ZNRF1: variants seen among roughly 807,000 people sequenced by gnomAD.
The protein encoded by ZNRF1 is zinc and ring finger 1, also known as E3 ubiquitin-protein ligase ZNRF1.
A neutral mutation model predicts 18.4 loss-of-function variants in ZNRF1; 3 were observed. The observed-to-expected ratio is 0.16, with a 90% CI of 0.07 to 0.42. The LOEUF (loss-of-function observed/expected upper bound fraction) is 0.42, where lower values mean the gene tolerates loss of function less well. Among genes scored for constraint, ZNRF1 ranks in the 10% least tolerant of loss-of-function variants. The probability of loss-of-function intolerance (pLI) is 0.99; values close to 1 mark genes in which losing one functional copy is unlikely to be tolerated. For missense variants in ZNRF1, 310 were observed against 329.8 expected (o/e 0.94, Z 0.47); for synonymous variants, 157 against 144.2 (o/e 1.09, Z -0.64).
intron 1 of ZNRF1, among the ~76,000 whole-genome samples, chr16:75,007,160 C>T (rs533188380): frequency 2.0e-5 from 3 of 151,594 alleles, no homozygotes; most frequent in South Asian, 2.1e-4. Context: ...AGGGCTCAAG[C>T]GATCCTCCTT....
At position 75,108,050 on chromosome 16, in the gene ZNRF1, T is replaced by C; in HGVS notation, c.*350T>C. ...AAAAGTCTAGTGTCGACTGGTGTTT[T>C]CCCTCGTGATGTTTACAGCTTGCTG... On this transcript the variant is annotated 3_prime_UTR_variant, in exon 5 of 5. Transcript: ENST00000335325. 3.3e-6 allele frequency: 1 copy of C among 306,802 alleles called. No homozygotes were observed. Among genetic ancestry groups the C allele is most frequent in the Non-Finnish European group, 6.4e-6 (1 of 156,576 alleles). 19.0% of individuals were successfully genotyped at this position (306,802 alleles called of 1,614,324 possible).
Position 75,000,113 on chromosome 16 carries a change from G to A in ZNRF1, c.424+18G>A. 1 of 1,589,352 alleles carries A rather than the reference G, an allele frequency of 6.3e-7. No homozygotes were observed. The highest frequency in any genetic ancestry group is 8.6e-7 in the Non-Finnish European group (1 of 1,169,508). On this transcript the variant is annotated intron_variant, in intron 1 of 4. Transcript: ENST00000335325. ...GCATAGTGGTGAGTCCGCGGGTGGT[G>A]GAGGCCTCGGAGGGAGGGCGCGCCG... is the stretch of plus-strand genomic sequence containing the variant.
intron 1 of ZNRF1, among the ~76,000 whole-genome samples, chr16:75,065,084 G>A (rs958351211): frequency 1.3e-5 from 2 of 152,242 alleles, no homozygotes; most frequent in African/African-American, 4.8e-5. Flanking sequence ...AAGGAAAAAA[G>A]GGAATGTGTT....
At chr16:75,047,740 C>T (rs919243700) in intron 1 of ZNRF1, among the ~76,000 whole-genome samples, 3 of 152,066 alleles carry the variant, frequency 2.0e-5, no homozygotes, top group African/African-American at 7.2e-5. Context: ...TTTTGCCTAC[C>T]ATGTTACTTT....
chr16:75,031,155 A>G (rs1248988006), intron 1 of ZNRF1, among the ~76,000 whole-genome samples: 3 of 135,556 alleles, frequency 2.2e-5, no homozygotes, highest in East Asian at 4.4e-4. Context: ...TTTTTTAGAC[A>G]GAGTCTTGCT....
At chr16:75,003,565 A>T (rs2034880827) in intron 1 of ZNRF1, among the ~76,000 whole-genome samples, 1 of 152,176 alleles carries the variant, frequency 6.6e-6, no homozygotes, top group Admixed American at 6.6e-5. Flanking sequence ...GGTGGTTAGT[A>T]GGTGGTGGAG....
At chr16:75,100,189 T>A (rs561740700) in intron 2 of ZNRF1, among the ~76,000 whole-genome samples, 65 of 152,240 alleles carry the variant, frequency 4.3e-4, no homozygotes, top group African/African-American at 1.5e-3. Context: ...CTGGTTGGGG[T>A]GCCTGCACAT....
rs1482726239 is a variant in ZNRF1 at position 75,040,600 on chromosome 16, T to A, written c.424+40505T>A. On this transcript the variant is annotated intron_variant, in intron 1 of 4. Coordinates refer to ENST00000335325, the MANE Select transcript of ZNRF1 (RefSeq NM_032268.5). ...GTTTTTGTTTTTGTTTTTTGTGGGT[T>A]TTTTTTTTTTTTTTTTTTTTTTTGA... 8.3e-3 allele frequency among the ~76,000 whole-genome samples: 265 copies of A among 31,754 alleles called. 1 individual carries two copies. Among genetic ancestry groups the A allele is most frequent in the African/African-American group, 0.021 (258 of 12,554 alleles). The allele number at this position is 31,754 out of a possible 152,430, so 20.8% of individuals were successfully genotyped here. A position where few individuals can be genotyped will look rare whatever the true frequency, so the allele number is the denominator to read the frequency against.
At chr16:75,022,907 G>A (rs1200105577) in intron 1 of ZNRF1, among the ~76,000 whole-genome samples, 1 of 152,188 alleles carries the variant, frequency 6.6e-6, no homozygotes, top group Non-Finnish European at 1.5e-5. Context: ...CATCAACTAT[G>A]TTTAGGAAGA....
chr16:75,031,567 G>T (rs958059611), intron 1 of ZNRF1, among the ~76,000 whole-genome samples: 2 of 152,056 alleles, frequency 1.3e-5, no homozygotes, highest in African/African-American at 4.8e-5. Context: ...GAGAGCAGTG[G>T]TGTGATCTCA....
intron 2 of ZNRF1, chr16:75,095,539 TC>T (rs2036188142): frequency 7.6e-6 from 11 of 1,444,854 alleles, no homozygotes; most frequent in Non-Finnish European, 9.2e-6. Flanking sequence ...CCTCATGAAG[TC>T]CTCCGTTTGT....
rs143987365 is a variant in ZNRF1, at chr16:75,055,407, T to C, written c.425-38165T>C. 1.9e-4 allele frequency among the ~76,000 whole-genome samples: 29 copies of C among 152,374 alleles called. 1 individual carries two copies. Among genetic ancestry groups the C allele is most frequent in the Admixed American group, 1.9e-3 (29 of 15,306 alleles). On this transcript the variant is annotated intron_variant, in intron 1 of 4. Coordinates refer to ENST00000335325, the MANE Select transcript of ZNRF1 (RefSeq NM_032268.5). ...ATGTATGATGTAGAATCTCACCTTC[T>C]TGCAGCAGAACCAGTGCCCTAAGTT...
intron 2 of ZNRF1, among the ~76,000 whole-genome samples, chr16:75,096,026 C>G (rs902145343): frequency 6.7e-6 from 1 of 149,038 alleles, no homozygotes; most frequent in Non-Finnish European, 1.5e-5. Context: ...GGCAGGCCAC[C>G]TCCTCAAGGG....
chr16:75,054,269 T>A (rs549760725), intron 1 of ZNRF1, among the ~76,000 whole-genome samples: 1 of 152,214 alleles, frequency 6.6e-6, no homozygotes, highest in African/African-American at 2.4e-5. Flanking sequence ...CCATTTTGCT[T>A]TGGAGAAGGA....
At position 75,108,013 on chromosome 16, in the gene ZNRF1, A is replaced by G; in HGVS notation, c.*313A>G. Reference sequence around the variant, plus strand: ...GTCTTTAAAGTGTTTACAAAAAAAAATTATATAAAAAAAAAGTCTAGTGTC... The same window carrying G: ...GTCTTTAAAGTGTTTACAAAAAAAAGTTATATAAAAAAAAAGTCTAGTGTC... On this transcript the variant is annotated 3_prime_UTR_variant, in exon 5 of 5. Coordinates refer to ENST00000335325, the MANE Select transcript of ZNRF1 (RefSeq NM_032268.5). The G allele has an allele frequency of 6.4e-6, 2 of 312,448 alleles. No individual in the cohort carries two copies. The highest frequency in any genetic ancestry group is 1.3e-5 in the Non-Finnish European group (2 of 158,546). The allele number at this position is 312,448 out of a possible 1,614,324, so 19.4% of individuals were successfully genotyped here.
intron 3 of ZNRF1, 147 bp downstream of exon 3, chr16:75,105,036 A>G: frequency 1.6e-6 from 1 of 621,826 alleles, no homozygotes; most frequent in African/African-American, 1.8e-5. Flanking sequence ...GCCATCAGAC[A>G]GGTGTCCACT....
At chr16:75,017,290 T>G (rs2035085060) in intron 1 of ZNRF1, among the ~76,000 whole-genome samples, 2 of 152,230 alleles carry the variant, frequency 1.3e-5, no homozygotes, top group South Asian at 4.1e-4. Context: ...AGTTTATCAA[T>G]AAGCCATTTT....
Position 75,013,365 on chromosome 16 carries a change from C to T in ZNRF1, c.424+13270C>T, listed in dbSNP as rs547037435. ...GTCCATTCAATTTTTTTTTTTTTTC[C>T]GAGATGGAGTCTCACTCTGTCGCCA... On this transcript the variant is annotated intron_variant, in intron 1 of 4. Transcript: ENST00000335325. 1.5e-4 allele frequency among the ~76,000 whole-genome samples: 22 copies of T among 149,898 alleles called. No homozygotes were observed. The East Asian group carries it at 3.5e-3, about 24-fold the overall frequency.
chr16:75,068,216 T>C (rs1352695640), intron 1 of ZNRF1, among the ~76,000 whole-genome samples: 1 of 127,710 alleles, frequency 7.8e-6, no homozygotes, highest in Non-Finnish European at 1.7e-5. Flanking sequence ...AAAAAAAAAT[T>C]AGCTGGGCAT....
Sources: allele counts gnomAD v4.1 joint callset (sites outside exome capture counted in the v4.1 genomes callset), GRCh38; gene constraint gnomAD v4.1.1; transcripts MANE v1.5; gene names NCBI Gene and HGNC (gene_info 2026-07-23, HGNC 2026-07-21).